Variants in TTC34 observed in about 807,000 individuals in gnomAD.
The protein encoded by TTC34 is tetratricopeptide repeat protein 34.
Under a neutral mutation model 40.7 loss-of-function variants are expected in TTC34, and 44 were observed. The observed-to-expected ratio is 1.08, with a 90% CI of 0.85 to 1.39. The LOEUF (loss-of-function observed/expected upper bound fraction) is 1.39. Among genes scored for constraint, TTC34 ranks in the 40% most tolerant of loss-of-function variants. The probability of loss-of-function intolerance (pLI) is 0.00; values close to 1 mark genes in which losing one functional copy is unlikely to be tolerated. For synonymous variants in TTC34, 422 were observed against 398.6 expected (o/e 1.06, Z -0.70); for missense variants, 884 against 838.0 (o/e 1.05, Z -0.68).
intron 6 of TTC34, among the ~76,000 whole-genome samples, chr1:2,749,790 T>G (rs1443113097): frequency 0.061 from 165 of 2,710 alleles, no homozygotes; most frequent in South Asian, 0.071. Flanking sequence ...TGACAGCATG[T>G]ATCAGCACCC....
intron 6 of TTC34, chr1:2,775,353 C>A (rs1557670965): frequency 6.6e-6 from 1 of 150,498 alleles, no homozygotes; most frequent in Non-Finnish European, 1.5e-5. Context: ...CCCCGCTCTT[C>A]CAGGTGAGAA....
intron 6 of TTC34, among the ~76,000 whole-genome samples, chr1:2,769,796 A>C (rs1486946658): frequency 1.6e-5 from 2 of 124,624 alleles, no homozygotes; most frequent in Admixed American, 7.7e-5. Flanking sequence ...CCACACCCCC[A>C]GGTGGGCATC....
intron 2 of TTC34, among the ~76,000 whole-genome samples, chr1:2,798,298 T>A (rs923180983): frequency 2.1e-5 from 1 of 48,232 alleles, no homozygotes; most frequent in Non-Finnish European, 3.8e-5. Context: ...TCTCAGCCCC[T>A]CAGCTCCCCA....
At chr1:2,677,792 G>A (rs1305882450) in intron 6 of TTC34, among the ~76,000 whole-genome samples, 2 of 40,292 alleles carry the variant, frequency 5.0e-5, no homozygotes, top group African/African-American at 2.2e-4. Context: ...GCATCTGACC[G>A]CATCACATGG....
intron 6 of TTC34, among the ~76,000 whole-genome samples, chr1:2,693,731 G>A (rs1365628277): frequency 1.4e-5 from 1 of 71,700 alleles, no homozygotes; most frequent in South Asian, 4.1e-4. Flanking sequence ...CTGAACGCAA[G>A]GAGCAGCACC....
At chr1:2,652,443 ACCCCCAGGTGAGCATCCG>A (rs1639175389) in intron 6 of TTC34, among the ~76,000 whole-genome samples, 7 of 151,828 alleles carry the variant, frequency 4.6e-5, no homozygotes, top group Admixed American at 6.6e-5. Context: ...CAGCACCCAC[ACCCCCAGGTGAGCATCCG>A]ACAGCCTGGA....
At chr1:2,785,702 T>C (rs946146936) in intron 5 of TTC34, 117 bp downstream of exon 5, 1 of 1,186,000 alleles carries the variant, frequency 8.4e-7, no homozygotes. Flanking sequence ...TGGGTGTTCC[T>C]GAGGCCCCTG....
intron 5 of TTC34, among the ~76,000 whole-genome samples, chr1:2,784,034 C>T (rs941549227): frequency 6.6e-6 from 1 of 152,088 alleles, no homozygotes; most frequent in African/African-American, 2.4e-5. Context: ...GCCTCTGAGG[C>T]CAGGCGAGGG....
At chr1:2,666,559 A>G in intron 6 of TTC34, among the ~76,000 whole-genome samples, 1 of 1,510 alleles carries the variant, frequency 6.6e-4, no homozygotes, top group Admixed American at 6.8e-3. Context: ...ACAGCCTGGA[A>G]CAGAACCCAC....
intron 2 of TTC34, among the ~76,000 whole-genome samples, chr1:2,792,394 C>A (rs902254451): frequency 2.6e-5 from 4 of 152,124 alleles, no homozygotes. Context: ...TTAGGGATTT[C>A]TTTTTCTCCT....
intron 6 of TTC34, among the ~76,000 whole-genome samples, chr1:2,692,852 A>C (rs1407689594): frequency 7.3e-6 from 1 of 137,524 alleles, no homozygotes; most frequent in African/African-American, 3.1e-5. Flanking sequence ...GATGGTCTGG[A>C]GCATCACCCA....
chr1:2,676,709 ATGGAG>A (rs1639913460), intron 6 of TTC34, among the ~76,000 whole-genome samples: 1 of 13,320 alleles, frequency 7.5e-5, no homozygotes, highest in Non-Finnish European at 2.3e-4. Flanking sequence ...ATCTGACCGC[ATGGAG>A]CAGCACCCAC....
At chr1:2,753,329 C>T (rs1307654859) in intron 6 of TTC34, among the ~76,000 whole-genome samples, 239 of 104,294 alleles carry the variant, frequency 2.3e-3, no homozygotes, top group African/African-American at 9.2e-3. Context: ...TGGAGCATCA[C>T]CCACACCCCC....
In TTC34 at chr1:2,687,430, G is replaced by C. The variant is rs552128324; in HGVS notation, c.2227-41867C>G. On this transcript the variant is annotated intron_variant, in intron 6 of 8. Transcript: ENST00000401095. ...CCCCCAGGTGAGCATCTGATGGTCT[G>C]GAGCAGCACCCACAACCACAGGTGA... Among the ~76,000 whole-genome samples the C allele has an allele frequency of 5.6e-4, 85 of 151,344 alleles. No homozygotes were observed. In the East Asian group the frequency reaches 0.014, roughly 26 times the overall value.
chr1:2,649,686 G>A (rs1402163773), intron 6 of TTC34, among the ~76,000 whole-genome samples: 1 of 152,120 alleles, frequency 6.6e-6, no homozygotes. Flanking sequence ...ACTACAGGCT[G>A]ATTTTTGTAT....
At chr1:2,775,636 T>A (rs949348630) in intron 6 of TTC34, 2 of 148,784 alleles carry the variant, frequency 1.3e-5, no homozygotes, top group Non-Finnish European at 2.9e-5. Context: ...TCCCCTCAGG[T>A]GAGCATCTGA....
rs1217847621 is a variant in TTC34 at position 2,759,435 on chromosome 1, C to T, written c.2226+24174G>A. On this transcript the variant is annotated intron_variant, in intron 6 of 8. Transcript: ENST00000401095. ...ATGTGACAGCCTGGATCAGCACCCACACTCCCAGGCGAGCATCTGACAGCC... is the reference window on the plus strand; with the variant it reads ...ATGTGACAGCCTGGATCAGCACCCATACTCCCAGGCGAGCATCTGACAGCC... 1.8e-5 allele frequency among the ~76,000 whole-genome samples: 2 copies of T among 113,242 alleles called. 1 individual carries two copies. Among genetic ancestry groups the T allele is most frequent in the Non-Finnish European group, 3.5e-5 (2 of 56,556 alleles). The allele number at this position is 113,242 out of a possible 152,430, so 74.3% of individuals were successfully genotyped here.
intron 6 of TTC34, chr1:2,776,087 C>T (rs553568640): frequency 7.1e-6 from 1 of 140,068 alleles, no homozygotes; most frequent in East Asian, 2.1e-4. Flanking sequence ...CCCACAACTT[C>T]AAATAAGAAT....
intron 8 of TTC34, among the ~76,000 whole-genome samples, chr1:2,643,393 G>C (rs1458944143): frequency 2.6e-5 from 4 of 152,216 alleles, no homozygotes; most frequent in African/African-American, 9.7e-5. Context: ...GGAGACCCGC[G>C]TCCAGCCCCG....
Sources: gnomAD v4.1 joint callset for allele counts (sites outside exome capture counted in the v4.1 genomes callset) on GRCh38, gnomAD v4.1.1 for gene constraint, MANE v1.5 for transcripts, NCBI Gene and HGNC (gene_info 2026-07-23, HGNC 2026-07-21) for gene names.